KCNAB3: variants seen among roughly 807,000 people sequenced by gnomAD.
The protein encoded by KCNAB3 is potassium voltage-gated channel subfamily A regulatory beta subunit 3, also known as voltage-gated potassium channel subunit beta-3.
Under a neutral mutation model 67.7 loss-of-function variants are expected in KCNAB3, and 62 were observed. That is an observed-to-expected ratio of 0.92 (90% confidence interval 0.75 to 1.13). The LOEUF (loss-of-function observed/expected upper bound fraction) is 1.13, where lower values mean the gene tolerates loss of function less well. Among genes scored for constraint, KCNAB3 ranks in the 50% most tolerant of loss-of-function variants. The pLI is 0.00. For synonymous variants in KCNAB3, 212 were observed against 205.4 expected (o/e 1.03, Z -0.27); for missense variants, 514 against 522.9 (o/e 0.98, Z 0.17).
At position 7,927,852 on chromosome 17, in the gene KCNAB3, G is replaced by C. The variant is rs373391587; in HGVS notation, c.243-26C>G. On this transcript the variant is annotated intron_variant, in intron 1 of 13. Coordinates refer to ENST00000303790, the MANE Select transcript of KCNAB3 (RefSeq NM_004732.4). ...CTGCAAGATACAGAAGCAGCGGGAA[G>C]GGGTGGAGCCTCCATTATGGACTTA... The C allele has an allele frequency of 3.1e-6, 5 of 1,613,482 alleles. No homozygotes were observed. In the African/African-American group the frequency reaches 6.7e-5, roughly 22 times the overall value.
intron 8 of KCNAB3, chr17:7,924,880 G>A: frequency 1.7e-6 from 1 of 572,154 alleles, no homozygotes; most frequent in Non-Finnish European, 3.0e-6. Context: ...ACAGCTGGGA[G>A]TACAAGGCAC....
intron 4 of KCNAB3, among the ~76,000 whole-genome samples, chr17:7,926,619 C>G (rs552352318): frequency 6.6e-6 from 1 of 152,306 alleles, no homozygotes; most frequent in East Asian, 1.9e-4. Context: ...TATGACAAGT[C>G]TTAAGTTGTC....
Position 7,921,882 on chromosome 17 carries a change from C to T in KCNAB3, c.*1220G>A, listed in dbSNP as rs984680188. On this transcript the variant is annotated 3_prime_UTR_variant, in exon 14 of 14. Transcript: ENST00000303790. ...AGTATGGCTAATATTACTTTAAATA[C>T]AAACAAATAAAGGCAGATAGCTAAG... 16 of 152,080 alleles carry T rather than the reference C, an allele frequency of 1.1e-4. No individual in the cohort carries two copies. Among genetic ancestry groups the T allele is most frequent in the African/African-American group, 3.9e-4 (16 of 41,394 alleles). 9.4% of individuals were successfully genotyped at this position (152,080 alleles called of 1,614,324 possible).
intron 1 of KCNAB3, among the ~76,000 whole-genome samples, chr17:7,928,625 G>C (rs1018746111): frequency 6.6e-6 from 1 of 152,162 alleles, no homozygotes; most frequent in Admixed American, 6.5e-5. Context: ...TTCTGGTCTG[G>C]CAGTCCTCTG....
At chr17:7,923,625 G>A (rs1972122298) in intron 12 of KCNAB3, 81 bp from the exon 13 acceptor site, 5 of 1,552,676 alleles carry the variant, frequency 3.2e-6, no homozygotes, top group South Asian at 1.2e-5. Context: ...GAAGACAAGC[G>A]TCCTCCCTAG....
Position 7,923,565 on chromosome 17 carries a change from A to G in KCNAB3, c.1049-21T>C, listed in dbSNP as rs1172054688. On this transcript the variant is annotated intron_variant, in intron 12 of 13. Transcript: ENST00000303790. ...CCACGCTGGGGCCAGAGGAGGAAAA[A>G]AAGAGGACTGATGGGGAACAGTGAC... 6 of 1,585,938 alleles carry G rather than the reference A, an allele frequency of 3.8e-6. No homozygotes were observed. In the Admixed American group the frequency reaches 7.1e-5, roughly 19 times the overall value.
intron 7 of KCNAB3, chr17:7,925,412 C>G: frequency 3.4e-6 from 2 of 596,350 alleles, no homozygotes; most frequent in Non-Finnish European, 6.0e-6. Flanking sequence ...GCCTGTAATC[C>G]CAGTTACTCG....
At position 7,929,191 on chromosome 17, in the gene KCNAB3, T is replaced by C. The variant is rs776712423; in HGVS notation, c.242+3A>G. On this transcript the variant is annotated splice_donor_region_variant and intron_variant, in intron 1 of 13. Transcript: ENST00000303790. This position sits in a 1 kb window ranked among gnomAD's most constrained non-coding sequence, Gnocchi z 5.7. ...GGGGTGGGCTGCCCGGCCACCCCCATACCTGTATTTCATGCCAGTGCCTCG... is the reference window on the plus strand; with the variant it reads ...GGGGTGGGCTGCCCGGCCACCCCCACACCTGTATTTCATGCCAGTGCCTCG... 2.5e-6 allele frequency: 4 copies of C among 1,611,606 alleles called. No homozygotes were observed. The South Asian group carries it at 3.3e-5, about 13-fold the overall frequency.
intron 13 of KCNAB3, 114 bp downstream of exon 13, chr17:7,923,342 C>T: frequency 7.8e-7 from 1 of 1,282,364 alleles, no homozygotes; most frequent in Non-Finnish European, 1.1e-6. Flanking sequence ...CTCTCACCTG[C>T]AAAGTGAGGA....
In KCNAB3 at chr17:7,923,118, G is replaced by C. The variant is rs561050517; in HGVS notation, c.1199C>G (p.Pro400Arg). The C allele has an allele frequency of 2.5e-6, 4 of 1,614,130 alleles. No individual in the cohort carries two copies. The South Asian group carries it at 4.4e-5, about 18-fold the overall frequency. The change falls in exon 14 of 14, where the codon CCG becomes CGG. Residue 400 changes from proline to arginine, a missense_variant. Transcript: ENST00000303790. Reference sequence around the variant, plus strand: ...CGCGACAGACTACTTCTTGGAATGCGGCTTGTTTCCCAGGAGCCCGTCTAT... The same window carrying C: ...CGCGACAGACTACTTCTTGGAATGCCGCTTGTTTCCCAGGAGCCCGTCTAT... Reference protein sequence around the residue: ...MEIDGLLGNKPHSKK With the variant: ...MEIDGLLGNKRHSKK
Position 7,927,421 on chromosome 17 carries a change from T to C in KCNAB3, c.327A>G (p.Thr109=). The part of the protein sequence containing the change: ...VTFGSQISDE[T]AEDVLTVAYE... The stretch of plus-strand genomic sequence containing the variant: ...AGGCTACAGTCAGCACATCCTCTGC[T>C]GTCTAGGGAGGTGAAAGAGGTAAAG... The change falls in exon 4 of 14, where the codon ACA becomes ACG. Residue 109 remains threonine (T), a splice_region_variant and synonymous_variant. Transcript: ENST00000303790. 6.2e-7 allele frequency: 1 copy of C among 1,613,902 alleles called. No individual in the cohort carries two copies. The highest frequency in any genetic ancestry group is 1.3e-5 in the African/African-American group (1 of 75,040).
chr17:7,927,878 G>C, intron 1 of KCNAB3, 52 bp from the exon 2 acceptor site: 6 of 1,605,932 alleles, frequency 3.7e-6, no homozygotes, highest in Non-Finnish European at 4.3e-6. Flanking sequence ...TATGGACTTA[G>C]ATTATCAGCC....
chr17:7,923,995 G>C lies in KCNAB3; in HGVS notation c.900C>G (p.Val300=). 1 of 1,613,742 alleles carries C rather than the reference G, an allele frequency of 6.2e-7. No individual in the cohort carries two copies. Among genetic ancestry groups the C allele is most frequent in the Non-Finnish European group, 8.5e-7 (1 of 1,179,964 alleles). ...TGATGGAGGCCCTGCAAGTATCTGG[G>C]ACTCGCCCATCATACTTGCTAGTAA... ...GLITSKYDGR[V]PDTCRASIKG... is the part of the protein sequence containing the mutation. Residue 300 remains valine (V), a synonymous_variant, in exon 11 of 14, where the codon GTC becomes GTG. Coordinates refer to ENST00000303790, the MANE Select transcript of KCNAB3 (RefSeq NM_004732.4).
At position 7,921,992 on chromosome 17, in the gene KCNAB3, G is replaced by A. The variant is rs1942299493; in HGVS notation, c.*1110C>T. On this transcript the variant is annotated 3_prime_UTR_variant, in exon 14 of 14. Transcript: ENST00000303790. ...GTGGTAGCTGAAGGAAGAAAACTGG[G>A]GCCTGGGGTATCTGGTGTCTTGGTC... The A allele has an allele frequency of 6.6e-6, 1 of 152,176 alleles. No homozygotes were observed. Among genetic ancestry groups the A allele is most frequent in the Non-Finnish European group, 1.5e-5 (1 of 68,034 alleles). 9.4% of individuals were successfully genotyped at this position (152,176 alleles called of 1,614,324 possible). A position where few individuals can be genotyped will look rare whatever the true frequency, so the allele number is the denominator to read the frequency against.
intron 13 of KCNAB3, 121 bp from the exon 14 acceptor site, chr17:7,923,300 T>TGTGCCG (rs1214462699): frequency 4.0e-6 from 5 of 1,262,164 alleles, no homozygotes; most frequent in Middle Eastern, 2.0e-4. Context: ...GAGCCGCAGC[T>TGTGCCG]GTGCCGGTGC....
Position 7,924,269 on chromosome 17 carries a change from G to A in KCNAB3, c.712-4C>T. On this transcript the variant is annotated splice_polypyrimidine_tract_variant and splice_region_variant and intron_variant, in intron 9 of 13. Coordinates refer to ENST00000303790, the MANE Select transcript of KCNAB3 (RefSeq NM_004732.4). ...GTCTGGCCATGGAGTAGGCCTCCTG[G>A]GTTGGGGTTGGGGAAAAGAAAGTGG... 6.2e-7 allele frequency: 1 copy of A among 1,614,050 alleles called. No individual in the cohort carries two copies. Among genetic ancestry groups the A allele is most frequent in the South Asian group, 1.1e-5 (1 of 91,060 alleles).
In KCNAB3 at chr17:7,923,541, C is replaced by G. The variant is rs1301684547; in HGVS notation, c.1052G>C (p.Trp351Ser). 6.2e-7 allele frequency: 1 copy of G among 1,606,184 alleles called. No individual in the cohort carries two copies. The highest frequency in any genetic ancestry group is 1.3e-5 in the African/African-American group (1 of 74,478). Reference protein sequence around the residue: ...GCTVAQLAIAWCLRSEGVSSV... With the variant: ...GCTVAQLAIASCLRSEGVSSV... The stretch of plus-strand genomic sequence containing the variant: ...GCTGACACCCTCACTGCGGAGACAC[C>G]ACGCTGGGGCCAGAGGAGGAAAAAA... The change falls in exon 13 of 14, where the codon TGG (tryptophan) becomes TCG (serine). Residue 351 changes from tryptophan to serine, a missense_variant. Transcript: ENST00000303790.
chr17:7,923,068 C>T lies in KCNAB3; in HGVS notation c.*34G>A, dbSNP rs745977266. 2.5e-6 allele frequency: 4 copies of T among 1,599,504 alleles called. No homozygotes were observed. Among genetic ancestry groups the T allele is most frequent in the South Asian group, 2.2e-5 (2 of 90,772 alleles). On this transcript the variant is annotated 3_prime_UTR_variant, in exon 14 of 14. Transcript: ENST00000303790. ...AGGAGCGGGGCTCGGGCGGGTGCAG[C>T]GACACCGGGTTGGGTCCCTGCGCCC... is the stretch of plus-strand genomic sequence containing the variant.
rs777380203 is a variant in KCNAB3, at chr17:7,929,257, C to T, written c.179G>A (p.Arg60Gln). Residue 60 changes from arginine to glutamine, a missense_variant, in exon 1 of 14, where the codon CGA (arginine) becomes CAA (glutamine). Transcript: ENST00000303790. This position sits in a 1 kb window ranked among gnomAD's most constrained non-coding sequence, Gnocchi z 5.7. The part of the protein sequence containing the change: ...GPKARAALVP[R>Q]PPAPAGALRE... ...GAGGGCCCCAGCGGGCGCTGGGGGT[C>T]GGGGAACCAGTGCAGCTCGGGCCTT... The T allele has an allele frequency of 6.2e-7, 1 of 1,607,678 alleles. No homozygotes were observed. The highest frequency in any genetic ancestry group is 1.3e-5 in the African/African-American group (1 of 74,846).
Sources: allele counts gnomAD v4.1 joint callset (sites outside exome capture counted in the v4.1 genomes callset), GRCh38; gene constraint gnomAD v4.1.1; non-coding constraint Gnocchi (gnomAD v3.1); transcripts MANE v1.5; gene names NCBI Gene and HGNC (gene_info 2026-07-23, HGNC 2026-07-21).